The following SMIM10L1 variants were observed in gnomAD, a reference collection of about 807,000 sequenced individuals.
SMIM10L1 encodes small integral membrane protein 10 like 1.
In SMIM10L1, 6 loss-of-function variants were observed where a neutral mutation model predicts 4.5. The observed-to-expected ratio is 1.33, with a 90% CI of 0.73 to 2.62. The LOEUF (loss-of-function observed/expected upper bound fraction) is 2.62, where lower values mean the gene tolerates loss of function less well. Among genes scored for constraint, SMIM10L1 ranks in the 30% most tolerant of loss-of-function variants. SMIM10L1 has a pLI of 0.00. For synonymous variants in SMIM10L1, 49 were observed against 42.2 expected (o/e 1.16, Z -0.63); for missense variants, 66 against 86.2 (o/e 0.77, Z 0.93).
At position 11,174,352 on chromosome 12, in the gene SMIM10L1, G is replaced by A. The variant is rs1217783723; in HGVS notation, c.*2789G>A. Reference sequence around the variant, plus strand: ...CAGTGCGGAATAGCTAATAAATATTGTTGAATGGATAGATGAATGGCAATT... The same window carrying A: ...CAGTGCGGAATAGCTAATAAATATTATTGAATGGATAGATGAATGGCAATT... On this transcript the variant is annotated 3_prime_UTR_variant, in exon 1 of 1. Coordinates refer to ENST00000622602, the MANE Select transcript of SMIM10L1 (RefSeq NM_001271592.2). The A allele has an allele frequency of 6.6e-6, 1 of 152,114 alleles. No homozygotes were observed. The highest frequency in any genetic ancestry group is 1.9e-4 in the East Asian group (1 of 5,198). The allele number at this position is 152,114 out of a possible 1,614,324, so 9.4% of individuals were successfully genotyped here. A position where few individuals can be genotyped will look rare whatever the true frequency, so the allele number is the denominator to read the frequency against.
rs1002299298 is a variant in SMIM10L1, at chr12:11,175,509, G to A, written c.*3946G>A. ...TATAGGGACAAAAGATGAGGGAAAG[G>A]AATATCCTAATACTTGGAAGTTTGA... On this transcript the variant is annotated 3_prime_UTR_variant, in exon 1 of 1. Coordinates refer to ENST00000622602, the MANE Select transcript of SMIM10L1 (RefSeq NM_001271592.2). 6.6e-6 allele frequency: 1 copy of A among 152,146 alleles called. No individual in the cohort carries two copies. The highest frequency in any genetic ancestry group is 1.5e-5 in the Non-Finnish European group (1 of 68,016). 9.4% of individuals were successfully genotyped at this position (152,146 alleles called of 1,614,324 possible).
In SMIM10L1 at chr12:11,171,645, T is replaced by C; in HGVS notation, c.*82T>C. The C allele has an allele frequency of 1.0e-6, 1 of 1,004,138 alleles. No individual in the cohort carries two copies. The highest frequency in any genetic ancestry group is 1.3e-6 in the Non-Finnish European group (1 of 780,118). 62.2% of individuals were successfully genotyped at this position (1,004,138 alleles called of 1,614,324 possible). A position where few individuals can be genotyped will look rare whatever the true frequency, so the allele number is the denominator to read the frequency against. On this transcript the variant is annotated 3_prime_UTR_variant, in exon 1 of 1. Coordinates refer to ENST00000622602, the MANE Select transcript of SMIM10L1 (RefSeq NM_001271592.2). ...CGTTGCGGCGCGGCGGAGCAGCCAA[T>C]GGCGAGCCCCACAGTCTCGCGAGAG...
At position 11,174,638 on chromosome 12, in the gene SMIM10L1, A is replaced by G. The variant is rs548910652; in HGVS notation, c.*3075A>G. Reference sequence around the variant, plus strand: ...CTTATTTTAACTATAAAAGGAAAACAGTGAACATAGCAACATATGTAACCT... The same window carrying G: ...CTTATTTTAACTATAAAAGGAAAACGGTGAACATAGCAACATATGTAACCT... On this transcript the variant is annotated 3_prime_UTR_variant, in exon 1 of 1. Transcript: ENST00000622602. 2.0e-5 allele frequency: 3 copies of G among 152,288 alleles called. No individual in the cohort carries two copies. The East Asian group carries it at 5.8e-4, about 29-fold the overall frequency. 9.4% of individuals were successfully genotyped at this position (152,288 alleles called of 1,614,324 possible).
rs1184912669 is a variant in SMIM10L1 at position 11,175,304 on chromosome 12, A to C, written c.*3741A>C. On this transcript the variant is annotated 3_prime_UTR_variant, in exon 1 of 1. Coordinates refer to ENST00000622602, the MANE Select transcript of SMIM10L1 (RefSeq NM_001271592.2). ...CCCAGAGTAGAGATCAGACAATGTT[A>C]AATTTTGAAGCCATGTCTGTTCCTG... The C allele has an allele frequency of 6.6e-6, 1 of 152,160 alleles. No homozygotes were observed. Among genetic ancestry groups the C allele is most frequent in the African/African-American group, 2.4e-5 (1 of 41,438 alleles). The allele number at this position is 152,160 out of a possible 1,614,324, so 9.4% of individuals were successfully genotyped here.
Position 11,171,378 on chromosome 12 carries a change from T to G in SMIM10L1, c.22T>G (p.Ser8Ala). The change falls in exon 1 of 1, where the codon TCC (serine) becomes GCC (alanine). Residue 8 changes from serine to alanine, a missense_variant. Physicochemically the swap from Ser to Ala is moderately conservative, Grantham distance 99 (BLOSUM62 1). Transcript: ENST00000622602. MAPAAAPSSLAVRASSPA... is the reference protein window; with the variant it reads MAPAAAPASLAVRASSPA... ...GCTCATGGCCCCCGCGGCGGCTCCG[T>G]CCTCCTTGGCCGTCAGGGCCTCAAG... 1 of 1,231,838 alleles carries G rather than the reference T, an allele frequency of 8.1e-7. No individual in the cohort carries two copies. The highest frequency in any genetic ancestry group is 1.0e-6 in the Non-Finnish European group (1 of 987,856). The allele number at this position is 1,231,838 out of a possible 1,614,324, so 76.3% of individuals were successfully genotyped here. A position where few individuals can be genotyped will look rare whatever the true frequency, so the allele number is the denominator to read the frequency against.
Position 11,171,275 on chromosome 12 carries a change from C to A in SMIM10L1, c.-82C>A. ...GGAGCCGCTTTGCTTACCGTCCTGCCGGTCCCAGCCGTCGCTAGGAGGTCC... is the reference window on the plus strand; with the variant it reads ...GGAGCCGCTTTGCTTACCGTCCTGCAGGTCCCAGCCGTCGCTAGGAGGTCC... On this transcript the variant is annotated 5_prime_UTR_variant, in exon 1 of 1. Coordinates refer to ENST00000622602, the MANE Select transcript of SMIM10L1 (RefSeq NM_001271592.2). 1 of 929,344 alleles carries A rather than the reference C, an allele frequency of 1.1e-6. No homozygotes were observed. The highest frequency in any genetic ancestry group is 5.5e-5 in the South Asian group (1 of 18,084). 57.6% of individuals were successfully genotyped at this position (929,344 alleles called of 1,614,324 possible). A position where few individuals can be genotyped will look rare whatever the true frequency, so the allele number is the denominator to read the frequency against.
Position 11,174,267 on chromosome 12 carries a change from A to G in SMIM10L1, c.*2704A>G, listed in dbSNP as rs150293352. The stretch of plus-strand genomic sequence containing the variant: ...TCTTCCTGGCACACTTCCAGGTAAT[A>G]TCCATTAGGCTAAGGATTTTGTTTG... On this transcript the variant is annotated 3_prime_UTR_variant, in exon 1 of 1. Coordinates refer to ENST00000622602, the MANE Select transcript of SMIM10L1 (RefSeq NM_001271592.2). 6.6e-6 allele frequency: 1 copy of G among 152,228 alleles called. No homozygotes were observed. Among genetic ancestry groups the G allele is most frequent in the East Asian group, 1.9e-4 (1 of 5,186 alleles). 9.4% of individuals were successfully genotyped at this position (152,228 alleles called of 1,614,324 possible).
At position 11,171,796 on chromosome 12, in the gene SMIM10L1, C is replaced by T; in HGVS notation, c.*233C>T. On this transcript the variant is annotated 3_prime_UTR_variant, in exon 1 of 1. Transcript: ENST00000622602. ...GAAACAGAACTGCAGTTAAGACCCT[C>T]GAAAACATCTAAGAAAGTGTGCATC... The T allele has an allele frequency of 2.7e-6, 1 of 374,146 alleles. No homozygotes were observed. Among genetic ancestry groups the T allele is most frequent in the Non-Finnish European group, 4.7e-6 (1 of 210,998 alleles). 23.2% of individuals were successfully genotyped at this position (374,146 alleles called of 1,614,324 possible).
Position 11,171,202 on chromosome 12 carries a change from G to A in SMIM10L1, c.-155G>A, listed in dbSNP as rs1947829685. Reference sequence around the variant, plus strand: ...GCGCCAGCGGCGCCCGGGGCTACGCGCCGCACTGCACCGAGCGGCGGCAGC... The same window carrying A: ...GCGCCAGCGGCGCCCGGGGCTACGCACCGCACTGCACCGAGCGGCGGCAGC... On this transcript the variant is annotated 5_prime_UTR_variant, in exon 1 of 1. Transcript: ENST00000622602. 7.1e-6 allele frequency: 3 copies of A among 422,834 alleles called. No individual in the cohort carries two copies. Among genetic ancestry groups the A allele is most frequent in the South Asian group, 2.7e-4 (2 of 7,486 alleles). 26.2% of individuals were successfully genotyped at this position (422,834 alleles called of 1,614,324 possible). A position where few individuals can be genotyped will look rare whatever the true frequency, so the allele number is the denominator to read the frequency against.
rs1947907123 is a variant in SMIM10L1, at chr12:11,173,796, A to T, written c.*2233A>T. 1 of 151,994 alleles carries T rather than the reference A, an allele frequency of 6.6e-6. No individual in the cohort carries two copies. Among genetic ancestry groups the T allele is most frequent in the African/African-American group, 2.4e-5 (1 of 41,406 alleles). 9.4% of individuals were successfully genotyped at this position (151,994 alleles called of 1,614,324 possible). Reference sequence around the variant, plus strand: ...TGTATTTATTACATCCTCCAACATAATTGGCAGCTCTGTGAGGGAAGACAC... The same window carrying T: ...TGTATTTATTACATCCTCCAACATATTTGGCAGCTCTGTGAGGGAAGACAC... On this transcript the variant is annotated 3_prime_UTR_variant, in exon 1 of 1. Transcript: ENST00000622602.
chr12:11,173,581 T>G lies in SMIM10L1; in HGVS notation c.*2018T>G. The G allele has an allele frequency of 1.3e-5, 2 of 152,122 alleles. 1 individual carries two copies. The highest frequency in any genetic ancestry group is 3.9e-4 in the East Asian group (2 of 5,194). The allele number at this position is 152,122 out of a possible 1,614,324, so 9.4% of individuals were successfully genotyped here. On this transcript the variant is annotated 3_prime_UTR_variant, in exon 1 of 1. Transcript: ENST00000622602. ...TCAATGAAATAGTAATACCAAGGGA[T>G]TTAGAATCGTGGACATCACTGTTTC...
At position 11,171,613 on chromosome 12, in the gene SMIM10L1, C is replaced by A. The variant is rs1349534103; in HGVS notation, c.*50C>A. 8.4e-7 allele frequency: 1 copy of A among 1,196,794 alleles called. No individual in the cohort carries two copies. The highest frequency in any genetic ancestry group is 1.6e-5 in the African/African-American group (1 of 63,834). The allele number at this position is 1,196,794 out of a possible 1,614,324, so 74.1% of individuals were successfully genotyped here. On this transcript the variant is annotated 3_prime_UTR_variant, in exon 1 of 1. Transcript: ENST00000622602. Reference sequence around the variant, plus strand: ...CGGGGCCAGCATGATGGCCGACTCCCAGGGTCCGTTGCGGCGCGGCGGAGC... The same window carrying A: ...CGGGGCCAGCATGATGGCCGACTCCAAGGGTCCGTTGCGGCGCGGCGGAGC...
In SMIM10L1 at chr12:11,173,014, A is replaced by C. The variant is rs1281671813; in HGVS notation, c.*1451A>C. ...GGATTAAAAAAACTAATAATAAATC[A>C]CCAAGAGTGGTAAAGTTTTAAATCA... is the stretch of plus-strand genomic sequence containing the variant. On this transcript the variant is annotated 3_prime_UTR_variant, in exon 1 of 1. Transcript: ENST00000622602. 6.6e-6 allele frequency: 1 copy of C among 152,174 alleles called. No individual in the cohort carries two copies. The highest frequency in any genetic ancestry group is 1.5e-5 in the Non-Finnish European group (1 of 68,018). The allele number at this position is 152,174 out of a possible 1,614,324, so 9.4% of individuals were successfully genotyped here.
rs900910785 is a variant in SMIM10L1, at chr12:11,173,792, C to T, written c.*2229C>T. On this transcript the variant is annotated 3_prime_UTR_variant, in exon 1 of 1. Transcript: ENST00000622602. ...ACTTTGTATTTATTACATCCTCCAACATAATTGGCAGCTCTGTGAGGGAAG... is the reference window on the plus strand; with the variant it reads ...ACTTTGTATTTATTACATCCTCCAATATAATTGGCAGCTCTGTGAGGGAAG... 1 of 152,038 alleles carries T rather than the reference C, an allele frequency of 6.6e-6. No homozygotes were observed. Among genetic ancestry groups the T allele is most frequent in the Non-Finnish European group, 1.5e-5 (1 of 67,984 alleles). 9.4% of individuals were successfully genotyped at this position (152,038 alleles called of 1,614,324 possible).
rs1015401476 is a variant in SMIM10L1, at chr12:11,173,699, A to G, written c.*2136A>G. On this transcript the variant is annotated 3_prime_UTR_variant, in exon 1 of 1. Transcript: ENST00000622602. ...AGTAGGATGCTCCATTTGGGTGACTATGTGAACATATTCCTATAACTTTTT... is the reference window on the plus strand; with the variant it reads ...AGTAGGATGCTCCATTTGGGTGACTGTGTGAACATATTCCTATAACTTTTT... The G allele has an allele frequency of 3.3e-5, 5 of 152,122 alleles. No individual in the cohort carries two copies. Among genetic ancestry groups the G allele is most frequent in the African/African-American group, 1.2e-4 (5 of 41,426 alleles). The allele number at this position is 152,122 out of a possible 1,614,324, so 9.4% of individuals were successfully genotyped here.
Position 11,171,481 on chromosome 12 carries a change from C to A in SMIM10L1, c.125C>A (p.Ala42Asp). Residue 42 changes from alanine (A) to aspartate (D), a missense_variant, in exon 1 of 1, where the codon GCC becomes GAC. Transcript: ENST00000622602. ...ACCCTGCTCGCCTTCTTCGAGCTGGCCTGGCAGCTGCGCATGAACTTCCCG... is the reference window on the plus strand; with the variant it reads ...ACCCTGCTCGCCTTCTTCGAGCTGGACTGGCAGCTGCGCATGAACTTCCCG... ...SRTLLAFFEL[A>D]WQLRMNFPYF... 2.4e-6 allele frequency: 3 copies of A among 1,232,404 alleles called. No individual in the cohort carries two copies. The East Asian group carries it at 9.5e-5, about 39-fold the overall frequency. The allele number at this position is 1,232,404 out of a possible 1,614,324, so 76.3% of individuals were successfully genotyped here. A position where few individuals can be genotyped will look rare whatever the true frequency, so the allele number is the denominator to read the frequency against.
chr12:11,171,711 G>T lies in SMIM10L1; in HGVS notation c.*148G>T, dbSNP rs1258285213. 2 of 515,070 alleles carry T rather than the reference G, an allele frequency of 3.9e-6. No homozygotes were observed. The highest frequency in any genetic ancestry group is 6.0e-6 in the Non-Finnish European group (2 of 333,668). The allele number at this position is 515,070 out of a possible 1,614,324, so 31.9% of individuals were successfully genotyped here. A position where few individuals can be genotyped will look rare whatever the true frequency, so the allele number is the denominator to read the frequency against. ...CGTGGCTGCCCTCTTAGCTGCTAGCGGAGCTCCTCAGGGGGCGGCCGGGAG... is the reference window on the plus strand; with the variant it reads ...CGTGGCTGCCCTCTTAGCTGCTAGCTGAGCTCCTCAGGGGGCGGCCGGGAG... On this transcript the variant is annotated 3_prime_UTR_variant, in exon 1 of 1. Transcript: ENST00000622602.
In SMIM10L1 at chr12:11,174,391, C is replaced by T. The variant is rs555882391; in HGVS notation, c.*2828C>T. ...TGAATGGCAATTTTGTTGGTATGCT[C>T]TACATAGTCAGCAGTCAATAAAGGA... On this transcript the variant is annotated 3_prime_UTR_variant, in exon 1 of 1. Coordinates refer to ENST00000622602, the MANE Select transcript of SMIM10L1 (RefSeq NM_001271592.2). The T allele has an allele frequency of 1.9e-4, 29 of 152,180 alleles. No homozygotes were observed. The highest frequency in any genetic ancestry group is 1.8e-3 in the Admixed American group (28 of 15,296). The allele number at this position is 152,180 out of a possible 1,614,324, so 9.4% of individuals were successfully genotyped here. A position where few individuals can be genotyped will look rare whatever the true frequency, so the allele number is the denominator to read the frequency against.
chr12:11,175,631 T>C lies in SMIM10L1; in HGVS notation c.*4068T>C, dbSNP rs1947936382. Reference sequence around the variant, plus strand: ...ACTATGAGAATTCCCAACAATTGGGTTGGATTGATTCATATTAGTCTATTA... The same window carrying C: ...ACTATGAGAATTCCCAACAATTGGGCTGGATTGATTCATATTAGTCTATTA... On this transcript the variant is annotated 3_prime_UTR_variant, in exon 1 of 1. Coordinates refer to ENST00000622602, the MANE Select transcript of SMIM10L1 (RefSeq NM_001271592.2). 6.6e-6 allele frequency: 1 copy of C among 152,082 alleles called. No individual in the cohort carries two copies. Among genetic ancestry groups the C allele is most frequent in the South Asian group, 2.1e-4 (1 of 4,832 alleles). 9.4% of individuals were successfully genotyped at this position (152,082 alleles called of 1,614,324 possible).
Sources: gnomAD v4.1 joint callset for allele counts on GRCh38, gnomAD v4.1.1 for gene constraint, MANE v1.5 for transcripts, NCBI Gene and HGNC (gene_info 2026-07-23, HGNC 2026-07-21) for gene names.